The following NTRK3 variants were observed in gnomAD, a reference collection of about 807,000 sequenced individuals.
NTRK3 encodes the protein neurotrophic receptor tyrosine kinase 3.
Under a neutral mutation model 91.7 loss-of-function variants are expected in NTRK3, and 24 were observed. The ratio of observed to expected loss-of-function variants is 0.26; its 90% CI spans 0.19 to 0.37. The LOEUF is 0.37. NTRK3 is among the 10% of genes least tolerant of loss of function. The probability of loss-of-function intolerance (pLI) is 1.00; values close to 1 mark genes in which losing one functional copy is unlikely to be tolerated. For missense variants in NTRK3, 880 were observed against 1,068.9 expected, an observed-to-expected ratio of 0.82 and a Z score of 2.46; for synonymous variants, 483 against 404.0, an observed-to-expected ratio of 1.20 and a Z score of -2.34.
chr15:88,037,900 G>C (rs969096143), intron 13 of NTRK3, among the ~76,000 whole-genome samples: 6 of 152,214 alleles, frequency 3.9e-5, no homozygotes, highest in Non-Finnish European at 8.8e-5. Flanking sequence ...ACAGCACAGA[G>C]CAGTGACCTG....
rs148628272 is a variant in NTRK3, at chr15:88,001,626, T to C, written c.1585+31231A>G. Among the ~76,000 whole-genome samples the C allele has an allele frequency of 4.0e-4, 61 of 152,288 alleles. 1 individual carries two copies. In the East Asian group the frequency reaches 0.012, roughly 29 times the overall value. On this transcript the variant is annotated intron_variant, in intron 14 of 18. Transcript: ENST00000394480. ...TCCTTTTTGAATTGTTTTGGCAACA[T>C]TGTTGAAAAATCAGTTGACCGCAAA...
chr15:88,079,704 T>C (rs1427746809), intron 13 of NTRK3, among the ~76,000 whole-genome samples: 1 of 152,190 alleles, frequency 6.6e-6, no homozygotes, highest in Non-Finnish European at 1.5e-5. Flanking sequence ...CAAAAGTCTA[T>C]GCAATAATTT....
intron 13 of NTRK3, among the ~76,000 whole-genome samples, chr15:88,036,782 C>T (rs150822980): frequency 2.0e-5 from 3 of 152,184 alleles, no homozygotes; most frequent in African/African-American, 7.2e-5. Flanking sequence ...AAAGACCACA[C>T]GCAACAGAAG....
intron 3 of NTRK3, among the ~76,000 whole-genome samples, chr15:88,207,540 CAG>C (rs1321682731): frequency 1.3e-5 from 2 of 152,234 alleles, no homozygotes; most frequent in African/African-American, 4.8e-5. Flanking sequence ...CATCCAGTCA[CAG>C]AGACTCAGGT....
intron 4 of NTRK3, among the ~76,000 whole-genome samples, chr15:88,183,852 G>T (rs78329304): frequency 6.6e-6 from 1 of 152,102 alleles, no homozygotes; most frequent in Middle Eastern, 3.2e-3. Flanking sequence ...CACTAGTACC[G>T]ACATCCAAGG....
chr15:87,952,995 G>A (rs193294488), intron 14 of NTRK3, among the ~76,000 whole-genome samples: 90 of 152,236 alleles, frequency 5.9e-4, no homozygotes, highest in African/African-American at 2.1e-3. Context: ...CAGCAGATTC[G>A]TTCCGCAAGG....
At chr15:88,138,784 T>C (rs926185003) in intron 6 of NTRK3, among the ~76,000 whole-genome samples, 1 of 152,252 alleles carries the variant, frequency 6.6e-6, no homozygotes, top group African/African-American at 2.4e-5. Flanking sequence ...AAATATTTAT[T>C]TTTAATTAGT....
intron 6 of NTRK3, among the ~76,000 whole-genome samples, chr15:88,142,527 C>T (rs746416423): frequency 5.4e-4 from 82 of 152,212 alleles, no homozygotes; most frequent in Admixed American, 1.4e-3. Context: ...TTTTCTTCTT[C>T]CCTGCACAGC....
At chr15:88,143,084 A>G (rs1455050827) in intron 6 of NTRK3, among the ~76,000 whole-genome samples, 1 of 152,030 alleles carries the variant, frequency 6.6e-6, no homozygotes, top group Non-Finnish European at 1.5e-5. Flanking sequence ...TTAACTGGGC[A>G]TGGTGGTGCT....
rs1311398147 is a variant in NTRK3, at chr15:88,195,739, G to A, written c.249-11440C>T. On this transcript the variant is annotated intron_variant, in intron 3 of 18. Coordinates refer to ENST00000394480, the Ensembl canonical transcript of NTRK3. ...GAGTAAAAACAGCCTCGGGCAGGGAGACAGACATTGATTTTGACCCTTACT... is the reference window on the plus strand; with the variant it reads ...GAGTAAAAACAGCCTCGGGCAGGGAAACAGACATTGATTTTGACCCTTACT... Among the ~76,000 whole-genome samples the A allele has an allele frequency of 2.0e-5, 3 of 152,330 alleles. No homozygotes were observed. The East Asian group carries it at 5.8e-4, about 29-fold the overall frequency.
At chr15:88,059,049 A>AC (rs2045973025) in intron 13 of NTRK3, among the ~76,000 whole-genome samples, 7 of 144,622 alleles carry the variant, frequency 4.8e-5, no homozygotes, top group South Asian at 2.2e-4. Flanking sequence ...CTCACACACA[A>AC]ACACACACAC....
intron 5 of NTRK3, among the ~76,000 whole-genome samples, chr15:88,162,472 A>T (rs967389559): frequency 6.6e-6 from 1 of 152,170 alleles, no homozygotes; most frequent in Non-Finnish European, 1.5e-5. Flanking sequence ...GCAGAAGGAG[A>T]GGGGAGAAGG....
At chr15:87,920,762 G>C (rs915212416) in intron 17 of NTRK3, among the ~76,000 whole-genome samples, 2 of 152,110 alleles carry the variant, frequency 1.3e-5, no homozygotes, top group Non-Finnish European at 2.9e-5. Flanking sequence ...TGGAATCCTG[G>C]AGGCTCCTAA....
In NTRK3 at chr15:88,183,080, A is replaced by G. The variant is rs115574283; in HGVS notation, c.395+338T>C. Among the ~76,000 whole-genome samples the G allele has an allele frequency of 4.1e-3, 587 of 142,428 alleles. 1 individual carries two copies. The highest frequency in any genetic ancestry group is 0.015 in the African/African-American group (567 of 37,996). 93.4% of individuals were successfully genotyped at this position (142,428 alleles called of 152,430 possible). On this transcript the variant is annotated intron_variant, in intron 5 of 18. Transcript: ENST00000394480. Reference sequence around the variant, plus strand: ...TTATGGGCCTACTTATGGTCTCAGAAGTATAGTATTCACATTACATATGAG... The same window carrying G: ...TTATGGGCCTACTTATGGTCTCAGAGGTATAGTATTCACATTACATATGAG...
chr15:88,121,096 T>TA (rs11419781), intron 13 of NTRK3, among the ~76,000 whole-genome samples: 40,210 of 151,752 alleles, frequency 0.26, 5,700 homozygotes, highest in African/African-American at 0.34. Context: ...AATGTATGTA[T>TA]TTTTTTTACA....
chr15:88,162,989 A>C (rs79378305), intron 5 of NTRK3, among the ~76,000 whole-genome samples: 2,289 of 152,118 alleles, frequency 0.015, 40 homozygotes, highest in African/African-American at 0.052. Flanking sequence ...CACCCCATAC[A>C]CTTGGTATAA....
chr15:88,028,518 G>T lies in NTRK3; in HGVS notation c.1585+4339C>A, dbSNP rs1452073061. 3.3e-5 allele frequency among the ~76,000 whole-genome samples: 5 copies of T among 152,126 alleles called. No individual in the cohort carries two copies. In the South Asian group the frequency reaches 1.0e-3, roughly 32 times the overall value. Reference sequence around the variant, plus strand: ...ACCTTCAGGACAGAGACCTACAAGAGGTGTGGCGATGGGCAGAGGAGCAGA... The same window carrying T: ...ACCTTCAGGACAGAGACCTACAAGATGTGTGGCGATGGGCAGAGGAGCAGA... On this transcript the variant is annotated intron_variant, in intron 14 of 18. Coordinates refer to ENST00000394480, the Ensembl canonical transcript of NTRK3.
chr15:87,958,275 G>A (rs993815751), intron 14 of NTRK3, among the ~76,000 whole-genome samples: 1 of 144,788 alleles, frequency 6.9e-6, no homozygotes, highest in Non-Finnish European at 1.5e-5. Context: ...GAACTCTGAT[G>A]ATTTCAGGAG....
chr15:88,133,675 G>T (rs2041604730), intron 10 of NTRK3, among the ~76,000 whole-genome samples: 1 of 152,156 alleles, frequency 6.6e-6, no homozygotes, highest in African/African-American at 2.4e-5. Context: ...TGCTCTAAAA[G>T]CCTCTTCTTC....
Sources: gnomAD v4.1 joint callset for allele counts (sites outside exome capture counted in the v4.1 genomes callset) on GRCh38, gnomAD v4.1.1 for gene constraint, MANE v1.5 for transcripts, NCBI Gene and HGNC (gene_info 2026-07-23, HGNC 2026-07-21) for gene names.